NEGR1: variants seen among roughly 807,000 people sequenced by gnomAD.
NEGR1 encodes the protein neuronal growth regulator 1, also known as IgLON family member 4.
NEGR1 carries 10 observed loss-of-function variants against 40.9 expected under a neutral mutation model. That is an observed-to-expected ratio of 0.24 (90% CI 0.15 to 0.42). The LOEUF (loss-of-function observed/expected upper bound fraction) is 0.42. Among genes scored for constraint, NEGR1 ranks in the 10% least tolerant of loss-of-function variants. NEGR1 has a pLI of 1.00. For synonymous variants in NEGR1, 185 were observed against 166.8 expected (o/e 1.11, Z -0.84); for missense variants, 352 against 438.9 (o/e 0.80, Z 1.77).
At position 71,632,885 on chromosome 1, in the gene NEGR1, G is replaced by T. The variant is rs187131150; in HGVS notation, c.668-21739C>A. On this transcript the variant is annotated intron_variant, in intron 4 of 6. Transcript: ENST00000357731. ...CAAGATTATTTTTCTTTCATAGGCT[G>T]TGTTTACAGGCTAGATAAAAATAAC... is the stretch of plus-strand genomic sequence containing the variant. Among the ~76,000 whole-genome samples the T allele has an allele frequency of 4.1e-3, 622 of 152,056 alleles. 5 individuals are homozygous for T. The highest frequency in any genetic ancestry group is 0.014 in the African/African-American group (599 of 41,534).
intron 1 of NEGR1, among the ~76,000 whole-genome samples, chr1:72,231,215 C>T (rs892476664): frequency 2.6e-5 from 4 of 152,178 alleles, no homozygotes; most frequent in Middle Eastern, 3.2e-3. Flanking sequence ...TCAACAGCTT[C>T]CATAGCTTCT....
chr1:71,944,875 C>CATT (rs1381838251), intron 1 of NEGR1, among the ~76,000 whole-genome samples: 1 of 152,056 alleles, frequency 6.6e-6, no homozygotes, highest in African/African-American at 2.4e-5. Flanking sequence ...CTATAGTAGC[C>CATT]ATTAACCCAT....
chr1:71,777,567 C>G (rs1656555741), intron 2 of NEGR1, among the ~76,000 whole-genome samples: 2 of 152,036 alleles, frequency 1.3e-5, no homozygotes, highest in South Asian at 4.1e-4. Flanking sequence ...ATAGCAATTA[C>G]ACCCCTTGGT....
intron 1 of NEGR1, among the ~76,000 whole-genome samples, chr1:72,143,115 C>T (rs1650748592): frequency 6.6e-6 from 1 of 151,878 alleles, no homozygotes. Flanking sequence ...TAAATTATTT[C>T]TCTGTTTTGG....
chr1:72,127,371 G>A (rs1162087308), intron 1 of NEGR1, among the ~76,000 whole-genome samples: 2 of 145,622 alleles, frequency 1.4e-5, no homozygotes, highest in Non-Finnish European at 3.0e-5. Flanking sequence ...GGCTGAGGCA[G>A]GAGAATGGCG....
intron 6 of NEGR1, among the ~76,000 whole-genome samples, chr1:71,464,453 T>G (rs1646732914): frequency 6.6e-6 from 1 of 152,072 alleles, no homozygotes. Flanking sequence ...CAACAAACAA[T>G]ATCTAATCTA....
At chr1:72,006,717 T>G (rs1263688908) in intron 1 of NEGR1, among the ~76,000 whole-genome samples, 2 of 151,592 alleles carry the variant, frequency 1.3e-5, no homozygotes, top group Non-Finnish European at 2.9e-5. Flanking sequence ...AATGTGAAGG[T>G]AAATCTCTAC....
intron 3 of NEGR1, among the ~76,000 whole-genome samples, chr1:71,750,628 C>A (rs190154743): frequency 1.3e-5 from 2 of 152,118 alleles, no homozygotes; most frequent in Non-Finnish European, 2.9e-5. Context: ...TATTCACTAT[C>A]GAGAACAGCA....
At chr1:71,582,780 T>C (rs1242564355) in intron 6 of NEGR1, among the ~76,000 whole-genome samples, 8 of 152,340 alleles carry the variant, frequency 5.3e-5, no homozygotes, top group East Asian at 1.9e-4. Context: ...GCCTCCCAAA[T>C]TGGCCATTTG....
At position 72,091,075 on chromosome 1, in the gene NEGR1, C is replaced by G. The variant is rs561039560; in HGVS notation, c.177-155764G>C. On this transcript the variant is annotated intron_variant, in intron 1 of 6. Transcript: ENST00000357731. ...AATTTATTAGACAATTCCACTCCTC[C>G]AAAATTGCAAAAGATGGGTTCGGTC... Among the ~76,000 whole-genome samples the G allele has an allele frequency of 5.3e-5, 8 of 152,094 alleles. No individual in the cohort carries two copies. The South Asian group carries it at 1.7e-3, about 32-fold the overall frequency.
chr1:71,743,737 T>G (rs1655288730), intron 3 of NEGR1, among the ~76,000 whole-genome samples: 1 of 152,198 alleles, frequency 6.6e-6, no homozygotes, highest in Non-Finnish European at 1.5e-5. Context: ...TGCAGAGCTC[T>G]GTTGCCTTTC....
At chr1:72,231,308 G>T (rs1654356570) in intron 1 of NEGR1, among the ~76,000 whole-genome samples, 1 of 151,938 alleles carries the variant, frequency 6.6e-6, no homozygotes, top group Admixed American at 6.6e-5. Context: ...TTTAAAAGTT[G>T]CCTCCTCTAT....
At chr1:71,953,350 G>C (rs1447377308) in intron 1 of NEGR1, among the ~76,000 whole-genome samples, 1 of 151,564 alleles carries the variant, frequency 6.6e-6, no homozygotes, top group Non-Finnish European at 1.5e-5. Context: ...ACTAGAAGTG[G>C]AGCCTGAAGA....
intron 1 of NEGR1, among the ~76,000 whole-genome samples, chr1:72,157,889 A>T (rs1248253576): frequency 6.6e-6 from 1 of 152,150 alleles, no homozygotes; most frequent in African/African-American, 2.4e-5. Flanking sequence ...TAAGAATAAA[A>T]CTACACACTA....
intron 1 of NEGR1, among the ~76,000 whole-genome samples, chr1:71,958,070 A>G (rs1365866161): frequency 6.6e-6 from 1 of 152,204 alleles, no homozygotes; most frequent in African/African-American, 2.4e-5. Flanking sequence ...ACCCCACATG[A>G]ATAGAGTTTC....
At chr1:71,793,940 C>T (rs143731650) in intron 2 of NEGR1, among the ~76,000 whole-genome samples, 3,143 of 152,186 alleles carry the variant, frequency 0.021, 38 homozygotes, top group Non-Finnish European at 0.03. Context: ...TGCTCATTAT[C>T]TGTAATTGTG....
At chr1:71,737,003 G>A (rs954929275) in intron 3 of NEGR1, among the ~76,000 whole-genome samples, 4 of 152,144 alleles carry the variant, frequency 2.6e-5, no homozygotes, top group African/African-American at 9.7e-5. Flanking sequence ...GTAAAGTTGG[G>A]TGCTTCCTAA....
At chr1:72,244,446 CAT>C (rs1406882817) in intron 1 of NEGR1, among the ~76,000 whole-genome samples, 1 of 151,804 alleles carries the variant, frequency 6.6e-6, no homozygotes, top group Non-Finnish European at 1.5e-5. Context: ...CACATATACA[CAT>C]ATATGTAAGT....
In NEGR1 at chr1:71,491,260, G is replaced by A. The variant is rs75091884; in HGVS notation, c.941-83690C>T. Among the ~76,000 whole-genome samples, 1,453 of 152,046 alleles carry A rather than the reference G, an allele frequency of 9.6e-3. 8 individuals are homozygous for A. Among genetic ancestry groups the A allele is most frequent in the Non-Finnish European group, 0.015 (1,037 of 67,948 alleles). Reference sequence around the variant, plus strand: ...TAATTTAAAGTGTACAAGAGGATGCGCACAGGTTATATGGAAATACTATAC... The same window carrying A: ...TAATTTAAAGTGTACAAGAGGATGCACACAGGTTATATGGAAATACTATAC... On this transcript the variant is annotated intron_variant, in intron 6 of 6. Transcript: ENST00000357731.
Sources: allele counts gnomAD v4.1 joint callset (sites outside exome capture counted in the v4.1 genomes callset), GRCh38; gene constraint gnomAD v4.1.1; transcripts MANE v1.5; gene names NCBI Gene and HGNC (gene_info 2026-07-23, HGNC 2026-07-21).